Variants in DAAM2 observed in about 807,000 individuals in gnomAD.
DAAM2 encodes disheveled-associated activator of morphogenesis 2.
Under a neutral mutation model 120.7 loss-of-function variants are expected in DAAM2, and 39 were observed. The observed-to-expected ratio is 0.32, with a 90% CI of 0.25 to 0.42. The LOEUF (loss-of-function observed/expected upper bound fraction) is 0.42. DAAM2 is among the 10% of genes least tolerant of loss of function. The probability of loss-of-function intolerance (pLI) is 1.00; values close to 1 mark genes in which losing one functional copy is unlikely to be tolerated. For missense variants in DAAM2, 1,283 were observed against 1,401.7 expected (o/e 0.92, Z 1.35); for synonymous variants, 488 against 524.9 (o/e 0.93, Z 0.96).
intron 1 of DAAM2, among the ~76,000 whole-genome samples, chr6:39,833,940 C>T (rs1173839550): frequency 6.6e-6 from 1 of 152,194 alleles, no homozygotes; most frequent in Non-Finnish European, 1.5e-5. Flanking sequence ...GTCATAGTCT[C>T]TACAGATGAA....
At chr6:39,840,065 C>G (rs1447385711) in intron 1 of DAAM2, among the ~76,000 whole-genome samples, 1 of 152,026 alleles carries the variant, frequency 6.6e-6, no homozygotes, top group Non-Finnish European at 1.5e-5. Flanking sequence ...TGTCTCTACA[C>G]AAAATCCAAA....
chr6:39,850,693 T>C (rs1200019489), intron 1 of DAAM2, among the ~76,000 whole-genome samples: 1 of 152,132 alleles, frequency 6.6e-6, no homozygotes, highest in East Asian at 1.9e-4. Flanking sequence ...GTGGTATCAT[T>C]GTAGGGTTGG....
At chr6:39,827,701 A>T (rs1171355263) in intron 1 of DAAM2, among the ~76,000 whole-genome samples, 1 of 152,124 alleles carries the variant, frequency 6.6e-6, no homozygotes, top group Non-Finnish European at 1.5e-5. Context: ...CTTTGTGTGA[A>T]GTGTGATACC....
chr6:39,850,219 T>G (rs1190399690), intron 1 of DAAM2, among the ~76,000 whole-genome samples: 1 of 152,222 alleles, frequency 6.6e-6, no homozygotes, highest in Non-Finnish European at 1.5e-5. Context: ...GTGCTCTTCC[T>G]TCTGTGCCTC....
chr6:39,802,657 G>T (rs1387432059), intron 1 of DAAM2, among the ~76,000 whole-genome samples: 1 of 152,078 alleles, frequency 6.6e-6, no homozygotes, highest in African/African-American at 2.4e-5. Context: ...ATACATCCCA[G>T]TGCCTTTTGC....
At chr6:39,818,375 G>T (rs1762378656) in intron 1 of DAAM2, among the ~76,000 whole-genome samples, 2 of 152,034 alleles carry the variant, frequency 1.3e-5, no homozygotes, top group African/African-American at 4.8e-5. Context: ...AATCGGGGGT[G>T]GGGACCAACA....
chr6:39,812,236 C>G (rs1171712316), intron 1 of DAAM2, among the ~76,000 whole-genome samples: 1 of 152,220 alleles, frequency 6.6e-6, no homozygotes, highest in Non-Finnish European at 1.5e-5. Context: ...TCTTCAAATT[C>G]AAATTCTCTA....
chr6:39,869,122 G>A (rs942248494), intron 7 of DAAM2, among the ~76,000 whole-genome samples, 189 bp downstream of exon 7: 1 of 152,162 alleles, frequency 6.6e-6, no homozygotes, highest in African/African-American at 2.4e-5. Context: ...TGATGGCTCA[G>A]GGTGGCAGAG....
At chr6:39,847,049 G>A (rs915698212) in intron 1 of DAAM2, among the ~76,000 whole-genome samples, 1 of 152,204 alleles carries the variant, frequency 6.6e-6, no homozygotes, top group Non-Finnish European at 1.5e-5. Flanking sequence ...CCTGAGGCAG[G>A]AGCAGGGGCC....
At chr6:39,849,036 G>A (rs760254539) in intron 1 of DAAM2, 12 of 152,238 alleles carry the variant, frequency 7.9e-5, no homozygotes, top group Non-Finnish European at 1.8e-4. Context: ...TGAGGAGCCA[G>A]TACGATATAT....
At chr6:39,819,079 C>T (rs1762401415) in intron 1 of DAAM2, 3 of 152,220 alleles carry the variant, frequency 2.0e-5, no homozygotes, top group African/African-American at 7.2e-5. Flanking sequence ...GAAAATGTGG[C>T]ATGTGGCCTC....
rs1401570138 is a variant in DAAM2, at chr6:39,887,409, G to A, written c.1954-77G>A. 3.2e-5 allele frequency: 30 copies of A among 950,262 alleles called. No individual in the cohort carries two copies. The East Asian group carries it at 7.3e-4, about 23-fold the overall frequency. The allele number at this position is 950,262 out of a possible 1,614,324, so 58.9% of individuals were successfully genotyped here. A position where few individuals can be genotyped will look rare whatever the true frequency, so the allele number is the denominator to read the frequency against. On this transcript the variant is annotated intron_variant, in intron 15 of 24. Transcript: ENST00000274867. ...CAGGAGCATTCCTGGATTGGTAGGA[G>A]GTGGCTCTTGCGGGGCGGGTAAGAG...
chr6:39,875,242 A>G (rs1582715812), intron 10 of DAAM2, 88 bp from the exon 11 acceptor site: 6 of 1,464,652 alleles, frequency 4.1e-6, no homozygotes, highest in Non-Finnish European at 5.6e-6. Flanking sequence ...GGCATGCCTC[A>G]CCAGCCAGAC....
intron 1 of DAAM2, among the ~76,000 whole-genome samples, chr6:39,810,639 C>T (rs1389360500): frequency 6.6e-6 from 1 of 152,096 alleles, no homozygotes; most frequent in Non-Finnish European, 1.5e-5. Flanking sequence ...GGGGAAGAGC[C>T]CCATTTTTTT....
chr6:39,793,647 G>A (rs1761615088), intron 1 of DAAM2, among the ~76,000 whole-genome samples: 1 of 152,156 alleles, frequency 6.6e-6, no homozygotes, highest in African/African-American at 2.4e-5. Flanking sequence ...TTAGTTTCCT[G>A]AGTTTCTTTG....
Position 39,879,230 on chromosome 6 carries a change from C to CCT in DAAM2, c.1600_1601dup (p.Met535GlnfsTer2). On this transcript the variant is annotated frameshift_variant, in exon 14 of 25. Transcript: ENST00000274867. LOFTEE classifies it high-confidence loss of function. The stretch of plus-strand genomic sequence containing the variant: ...CCTGGGGGCCCACTCACCTTGTCTT[C>CCT]CTCAATGACAACCAATGACCTGCCT... The CCT allele has an allele frequency of 6.5e-7, 1 of 1,550,262 alleles. No individual in the cohort carries two copies. Among genetic ancestry groups the CCT allele is most frequent in the Non-Finnish European group, 8.7e-7 (1 of 1,146,158 alleles).
At chr6:39,862,541 T>C (rs2504096) in intron 3 of DAAM2, 96,047 of 151,924 alleles carry the variant, frequency 0.63, 30,713 homozygotes, top group African/African-American at 0.73. Flanking sequence ...TGGTGGCTCA[T>C]GCCTGTAATC....
chr6:39,842,460 CGT>C (rs944232903), intron 1 of DAAM2, among the ~76,000 whole-genome samples: 2 of 152,028 alleles, frequency 1.3e-5, no homozygotes, highest in Non-Finnish European at 2.9e-5. Flanking sequence ...GGTGAAATCC[CGT>C]CTCTACTAAA....
chr6:39,841,322 T>G (rs1763326781), intron 1 of DAAM2, among the ~76,000 whole-genome samples: 1 of 91,950 alleles, frequency 1.1e-5, no homozygotes, highest in Non-Finnish European at 2.0e-5. Context: ...GGGAGGGGCT[T>G]CTAGGGCGAG....
Sources: gnomAD v4.1 joint callset for allele counts (sites outside exome capture counted in the v4.1 genomes callset) on GRCh38, gnomAD v4.1.1 for gene constraint, MANE v1.5 for transcripts, NCBI Gene and HGNC (gene_info 2026-07-23, HGNC 2026-07-21) for gene names.